The following LRBA variants were observed in gnomAD, a reference collection of about 807,000 sequenced individuals.
LRBA encodes the protein LPS responsive beige-like anchor protein.
LRBA carries 176 observed loss-of-function variants against 330.0 expected under a neutral mutation model. The ratio of observed to expected loss-of-function variants is 0.53; its 90% CI spans 0.47 to 0.60. The LOEUF (loss-of-function observed/expected upper bound fraction) is 0.60. Ranked by LOEUF, LRBA falls within the 20% of genes least tolerant of loss-of-function variation. The pLI is 0.00. For synonymous variants in LRBA, 1,230 were observed against 1,193.0 expected, an observed-to-expected ratio of 1.03 and a Z score of -0.64; for missense variants, 3,259 against 3,444.8, an observed-to-expected ratio of 0.95 and a Z score of 1.35.
At position 150,310,612 on chromosome 4, in the gene LRBA, C is replaced by T. The variant is rs1327851241; in HGVS notation, c.7694-228G>A. 9.5e-6 allele frequency: 4 copies of T among 420,764 alleles called. No homozygotes were observed. The East Asian group carries it at 1.1e-4, about 12-fold the overall frequency. 26.1% of individuals were successfully genotyped at this position (420,764 alleles called of 1,614,324 possible). On this transcript the variant is annotated intron_variant, in intron 51 of 56. Coordinates refer to ENST00000651943, the MANE Select transcript of LRBA (RefSeq NM_001364905.1). ...TGCTTAGAGGAAAGAAAGAATAACA[C>T]ACTACTATTTAAAAATAGAACACAA... is the stretch of plus-strand genomic sequence containing the variant.
At chr4:150,908,898 G>T (rs1169199527) in intron 9 of LRBA, 41 bp from the exon 10 acceptor site, 1 of 1,348,006 alleles carries the variant, frequency 7.4e-7, no homozygotes, top group Non-Finnish European at 1.0e-6. Context: ...ATGCCACAAA[G>T]AGAATCTAAG....
At chr4:150,367,260 A>T (rs1739588699) in intron 47 of LRBA, among the ~76,000 whole-genome samples, 2 of 152,208 alleles carry the variant, frequency 1.3e-5, no homozygotes, top group Admixed American at 6.5e-5. Flanking sequence ...AGTAAAACAT[A>T]AATGGGGTAC....
At chr4:150,813,055 G>A (rs1744004388) in intron 31 of LRBA, among the ~76,000 whole-genome samples, 1 of 151,700 alleles carries the variant, frequency 6.6e-6, no homozygotes, top group African/African-American at 2.4e-5. Context: ...TACTTGGGAA[G>A]CTGAAGCAGG....
chr4:150,277,366 C>T (rs978465296), intron 56 of LRBA, among the ~76,000 whole-genome samples: 1 of 151,918 alleles, frequency 6.6e-6, no homozygotes, highest in Non-Finnish European at 1.5e-5. Context: ...CACATGTATA[C>T]CTATGTAACA....
chr4:150,369,603 G>T (rs1316622011), intron 47 of LRBA, among the ~76,000 whole-genome samples: 2 of 151,646 alleles, frequency 1.3e-5, no homozygotes, highest in Non-Finnish European at 2.9e-5. Flanking sequence ...TATAAGAGCT[G>T]CAAAATAATT....
intron 28 of LRBA, among the ~76,000 whole-genome samples, chr4:150,838,560 C>T (rs772868640): frequency 6.6e-6 from 1 of 152,186 alleles, no homozygotes; most frequent in Admixed American, 6.5e-5. Flanking sequence ...ATCACTGACA[C>T]CCTTTCTTCC....
chr4:150,439,485 T>C (rs1318322137), intron 44 of LRBA, among the ~76,000 whole-genome samples: 1 of 150,998 alleles, frequency 6.6e-6, no homozygotes, highest in Non-Finnish European at 1.5e-5. Context: ...AAAAAAGAAG[T>C]CCCCAAATAA....
At chr4:150,765,140 A>G (rs1177608674) in intron 34 of LRBA, among the ~76,000 whole-genome samples, 1 of 152,000 alleles carries the variant, frequency 6.6e-6, no homozygotes. Context: ...ATGTAAAAGT[A>G]TATTACTAAG....
At chr4:150,869,661 T>C (rs1418636503) in intron 20 of LRBA, among the ~76,000 whole-genome samples, 2 of 152,098 alleles carry the variant, frequency 1.3e-5, no homozygotes, top group Non-Finnish European at 2.9e-5. Context: ...TACTCTAGTC[T>C]GGGCAACAGA....
chr4:150,423,386 T>G, intron 46 of LRBA: 1 of 648,670 alleles, frequency 1.5e-6, no homozygotes, highest in South Asian at 1.9e-5. Context: ...GGGCCTGCTT[T>G]GAGTCCACAG....
chr4:150,272,582 AT>A, intron 56 of LRBA, among the ~76,000 whole-genome samples: 1 of 152,114 alleles, frequency 6.6e-6, no homozygotes, highest in South Asian at 2.1e-4. Context: ...AGTTAGACGA[AT>A]TGCTAACTAG....
chr4:150,658,523 C>G (rs1392000284), intron 37 of LRBA, among the ~76,000 whole-genome samples: 34 of 68 alleles, frequency 0.5, 5 homozygotes, highest in Non-Finnish European at 0.66. Context: ...CTCCCTCTCC[C>G]TCTCCCTCTC....
chr4:150,360,160 A>C (rs1026340022), intron 47 of LRBA, among the ~76,000 whole-genome samples: 3 of 151,924 alleles, frequency 2.0e-5, no homozygotes, highest in Admixed American at 2.0e-4. Context: ...ATTTATAAAA[A>C]ATTTTTTTTA....
At chr4:150,527,467 T>C (rs1236773495) in intron 40 of LRBA, among the ~76,000 whole-genome samples, 1 of 152,212 alleles carries the variant, frequency 6.6e-6, no homozygotes, top group Non-Finnish European at 1.5e-5. Context: ...TTCTTAGGCA[T>C]TTATTAAAGG....
chr4:150,969,016 T>C (rs910157957), intron 2 of LRBA, among the ~76,000 whole-genome samples: 2 of 152,200 alleles, frequency 1.3e-5, no homozygotes, highest in Non-Finnish European at 2.9e-5. Context: ...TGACTGCATA[T>C]CTGTTCACAG....
intron 40 of LRBA, among the ~76,000 whole-genome samples, chr4:150,538,822 A>C (rs904725781): frequency 2.0e-5 from 3 of 151,730 alleles, no homozygotes; most frequent in Admixed American, 6.6e-5. Context: ...CTCAAAAAAA[A>C]AAAAAAAACA....
chr4:150,454,720 C>T (rs1245998828), intron 44 of LRBA, among the ~76,000 whole-genome samples: 11 of 151,934 alleles, frequency 7.2e-5, no homozygotes, highest in Non-Finnish European at 1.5e-4. Context: ...TCTTTCATCC[C>T]TCGCCTTCCC....
intron 40 of LRBA, among the ~76,000 whole-genome samples, chr4:150,548,274 T>C (rs1766090610): frequency 6.6e-6 from 1 of 152,198 alleles, no homozygotes; most frequent in South Asian, 2.1e-4. Context: ...TTTGTTAGGC[T>C]GTAGTACTTT....
At chr4:150,953,572 C>G (rs1448243809) in intron 2 of LRBA, among the ~76,000 whole-genome samples, 1 of 148,714 alleles carries the variant, frequency 6.7e-6, no homozygotes. Flanking sequence ...GCCGTGTTGG[C>G]TGGGCTGGTC....
Sources: allele counts gnomAD v4.1 joint callset (sites outside exome capture counted in the v4.1 genomes callset), GRCh38; gene constraint gnomAD v4.1.1; transcripts MANE v1.5; gene names NCBI Gene and HGNC (gene_info 2026-07-23, HGNC 2026-07-21).